Variants in ARL14EP observed in about 807,000 individuals in gnomAD.
ARL14EP encodes ARL14 effector protein.
Under a neutral mutation model 23.1 loss-of-function variants are expected in ARL14EP, and 12 were observed. The observed-to-expected ratio is 0.52, with a 90% confidence interval of 0.33 to 0.84. ARL14EP has a LOEUF of 0.84. Among genes scored for constraint, ARL14EP ranks in the 40% least tolerant of loss-of-function variants. ARL14EP has a pLI of 0.02. For synonymous variants in ARL14EP, 97 were observed against 102.0 expected, an observed-to-expected ratio of 0.95 and a Z score of 0.29; for missense variants, 253 against 307.3, an observed-to-expected ratio of 0.82 and a Z score of 1.32.
At chr11:30,326,882 A>AAAATTTAGTTTTTATCACAGTTGT (rs1278021061) in intron 1 of ARL14EP, among the ~76,000 whole-genome samples, 1 of 152,192 alleles carries the variant, frequency 6.6e-6, no homozygotes, top group African/African-American at 2.4e-5. Context: ...GCTGAATTTT[A>AAAATTTAGTTTTTATCACAGTTGT]ATCTGTGTAA....
chr11:30,328,465 A>T (rs756816100), intron 1 of ARL14EP: 1 of 152,178 alleles, frequency 6.6e-6, no homozygotes, highest in Non-Finnish European at 1.5e-5. Context: ...ACTGTGATAG[A>T]AGCCATTTTA....
At chr11:30,327,524 CA>C (rs1220441356) in intron 1 of ARL14EP, among the ~76,000 whole-genome samples, 2 of 151,900 alleles carry the variant, frequency 1.3e-5, no homozygotes, top group African/African-American at 4.8e-5. Context: ...AGCTTTATGG[CA>C]AAAAAAGTTC....
chr11:30,329,017 G>A (rs1316317781), intron 1 of ARL14EP: 1 of 152,032 alleles, frequency 6.6e-6, no homozygotes, highest in Non-Finnish European at 1.5e-5. Flanking sequence ...AGTATGGACA[G>A]TAGTGAAGCA....
intron 2 of ARL14EP, 137 bp from the exon 3 acceptor site, chr11:30,332,729 C>G (rs376320482): frequency 1.8e-5 from 20 of 1,101,970 alleles, no homozygotes; most frequent in East Asian, 1.1e-4. Context: ...CACTTAGGCT[C>G]TAAAACCTTG....
Position 30,331,136 on chromosome 11 carries a change from T to C in ARL14EP, c.188T>C (p.Ile63Thr). The C allele has an allele frequency of 6.8e-6, 11 of 1,613,938 alleles. No homozygotes were observed. The highest frequency in any genetic ancestry group is 8.5e-6 in the Non-Finnish European group (10 of 1,179,848). The change falls in exon 2 of 4, where the codon ATT becomes ACT. Residue 63 changes from isoleucine to threonine, a missense_variant. Coordinates refer to ENST00000282032, the MANE Select transcript of ARL14EP (RefSeq NM_152316.3). The part of the protein sequence containing the change: ...NNTICFHHVK[I>T]YIDRFEDLQK... ...ACAATTTGCTTTCATCATGTAAAAA[T>C]TTACATTGACAGATTTGAGGATTTA...
At chr11:30,326,727 G>A (rs1947237330) in intron 1 of ARL14EP, among the ~76,000 whole-genome samples, 1 of 152,162 alleles carries the variant, frequency 6.6e-6, no homozygotes, top group South Asian at 2.1e-4. Flanking sequence ...GCTGGACTTG[G>A]ACTCTTTGAC....
At chr11:30,329,272 G>A (rs1947264380) in intron 1 of ARL14EP, 1 of 143,608 alleles carries the variant, frequency 7.0e-6, no homozygotes, top group African/African-American at 3.0e-5. Flanking sequence ...TATTCATGTT[G>A]ATTCACGTAA....
rs746062468 is a variant in ARL14EP, at chr11:30,336,704, G to A, written c.692G>A (p.Cys231Tyr). The change falls in exon 4 of 4, where the codon TGT becomes TAT. Residue 231 changes from cysteine to tyrosine, a missense_variant. Transcript: ENST00000282032. Reference protein sequence around the residue: ...YACPACGSTKCGAECRCDRKW... With the variant: ...YACPACGSTKYGAECRCDRKW... ...TGTCCTGCCTGTGGTTCTACCAAGTGTGGAGCTGAATGCCGCTGTGACCGC... is the reference window on the plus strand; with the variant it reads ...TGTCCTGCCTGTGGTTCTACCAAGTATGGAGCTGAATGCCGCTGTGACCGC... The A allele has an allele frequency of 1.2e-6, 2 of 1,614,176 alleles. No individual in the cohort carries two copies. The highest frequency in any genetic ancestry group is 8.5e-7 in the Non-Finnish European group (1 of 1,180,040).
At chr11:30,325,945 G>A (rs1019726913) in intron 1 of ARL14EP, among the ~76,000 whole-genome samples, 12 of 152,238 alleles carry the variant, frequency 7.9e-5, no homozygotes, top group African/African-American at 2.9e-4. Flanking sequence ...GATGCTGAAA[G>A]AATCAGACTT....
intron 3 of ARL14EP, among the ~76,000 whole-genome samples, chr11:30,333,387 G>A (rs562846216): frequency 2.0e-5 from 3 of 152,186 alleles, no homozygotes; most frequent in African/African-American, 7.2e-5. Flanking sequence ...TCGGTGGTAA[G>A]CAAGTCTATT....
At chr11:30,331,553 G>T (rs777468346) in intron 2 of ARL14EP, 179 bp downstream of exon 2, 2 of 1,437,302 alleles carry the variant, frequency 1.4e-6, no homozygotes, top group Non-Finnish European at 1.8e-6. Context: ...GGTCAAGATT[G>T]GGGGATAAAG....
At position 30,330,982 on chromosome 11, in the gene ARL14EP, C is replaced by T. The variant is rs369708297; in HGVS notation, c.34C>T (p.Arg12Cys). 11 of 1,613,628 alleles carry T rather than the reference C, an allele frequency of 6.8e-6. No homozygotes were observed. Among genetic ancestry groups the T allele is most frequent in the Non-Finnish European group, 7.6e-6 (9 of 1,179,762 alleles). ...TCCATGTTCAGTTGGAGTCCAGCTT[C>T]GTACTACAAATGAGTGCCATAAAAC... ...MDPCSVGVQL[R>C]TTNECHKTYY... The change falls in exon 2 of 4, where the codon CGT (arginine) becomes TGT (cysteine). Residue 12 changes from arginine to cysteine, a missense_variant. By Grantham distance (180) the Arg-to-Cys change is radical. Coordinates refer to ENST00000282032, the MANE Select transcript of ARL14EP (RefSeq NM_152316.3).
intron 1 of ARL14EP, among the ~76,000 whole-genome samples, chr11:30,327,844 C>T (rs1304969658): frequency 1.3e-5 from 2 of 148,694 alleles, no homozygotes; most frequent in Non-Finnish European, 3.0e-5. Flanking sequence ...GGCGTGGTGG[C>T]GGGCACCTGT....
chr11:30,330,594 T>A (rs1425734346), intron 1 of ARL14EP: 1 of 213,810 alleles, frequency 4.7e-6, no homozygotes, highest in Non-Finnish European at 9.4e-6. Context: ...GTTCTAATAG[T>A]TTGTTAAACC....
chr11:30,334,208 CTTTTTTTTTTTTTTTT>C (rs36111177), intron 3 of ARL14EP, among the ~76,000 whole-genome samples: 18,144 of 86,928 alleles, frequency 0.21, 1,626 homozygotes, highest in Middle Eastern at 0.3. Context: ...GACCAGCCTT[CTTTTTTTTTTTTTTTT>C]TTTTTTTTTG....
intron 1 of ARL14EP, among the ~76,000 whole-genome samples, chr11:30,323,564 T>G (rs1021488470): frequency 1.3e-5 from 2 of 152,212 alleles, no homozygotes; most frequent in Non-Finnish European, 1.5e-5. Flanking sequence ...CTATTTTTGT[T>G]TTTAATTTTT....
intron 2 of ARL14EP, 82 bp downstream of exon 2, chr11:30,331,456 A>G: frequency 6.3e-7 from 1 of 1,587,696 alleles, no homozygotes; most frequent in South Asian, 1.1e-5. Flanking sequence ...TCATATTTAC[A>G]TTATTACTAA....
intron 2 of ARL14EP, 27 bp from the exon 3 acceptor site, chr11:30,332,839 G>A: frequency 6.2e-7 from 1 of 1,610,442 alleles, no homozygotes; most frequent in Non-Finnish European, 8.5e-7. Context: ...CAAGATTTGA[G>A]TTGATAATTT....
rs374887675 is a variant in ARL14EP, at chr11:30,336,623, G to T, written c.611G>T (p.Ser204Ile). ...GATAGCCAGGGTCTCCTGATTTTTA[G>T]TGGGATGGACCTCTGTGACTGCCTG... is the stretch of plus-strand genomic sequence containing the variant. ...VYDSQGLLIFSGMDLCDCLDE... is the reference protein window; with the variant it reads ...VYDSQGLLIFIGMDLCDCLDE... Residue 204 changes from serine to isoleucine, a missense_variant, in exon 4 of 4, where the codon AGT becomes ATT. Coordinates refer to ENST00000282032, the MANE Select transcript of ARL14EP (RefSeq NM_152316.3). 1 of 1,613,938 alleles carries T rather than the reference G, an allele frequency of 6.2e-7. No individual in the cohort carries two copies. The highest frequency in any genetic ancestry group is 8.5e-7 in the Non-Finnish European group (1 of 1,180,012).
Sources: gnomAD v4.1 joint callset for allele counts (sites outside exome capture counted in the v4.1 genomes callset) on GRCh38, gnomAD v4.1.1 for gene constraint, MANE v1.5 for transcripts, NCBI Gene and HGNC (gene_info 2026-07-23, HGNC 2026-07-21) for gene names.